Variants in NAA38 observed in about 807,000 individuals in gnomAD.
NAA38 encodes LSM domain containing 1.
In NAA38, 15 loss-of-function variants were observed where a neutral mutation model predicts 12.6. That is an observed-to-expected ratio of 1.19 (90% CI 0.79 to 1.83). NAA38 has a LOEUF of 1.83. NAA38 is among the 40% of genes most tolerant of loss of function. The pLI, the probability that NAA38 is intolerant of heterozygous loss-of-function variation, is 0.00. For synonymous variants in NAA38, 88 were observed against 69.9 expected, an observed-to-expected ratio of 1.26 and a Z score of -1.29; for missense variants, 183 against 171.7, an observed-to-expected ratio of 1.07 and a Z score of -0.37.
chr17:7,875,059 G>C (rs1967151902), intron 2 of NAA38, among the ~76,000 whole-genome samples: 2 of 151,806 alleles, frequency 1.3e-5, no homozygotes, highest in Non-Finnish European at 2.9e-5. Flanking sequence ...ATCCGGTTGT[G>C]GTGGTGTGTG....
At chr17:7,859,565 A>G (rs368770829), upstream of NAA38, 4 of 1,614,074 alleles carry the variant, frequency 2.5e-6, no homozygotes, top group Non-Finnish European at 3.4e-6. Flanking sequence ...TACACTTCAC[A>G]CACCTGCAAT....
At chr17:7,868,311 G>A (rs1967025741) in intron 2 of NAA38, among the ~76,000 whole-genome samples, 1 of 152,170 alleles carries the variant, frequency 6.6e-6, no homozygotes, top group South Asian at 2.1e-4. Flanking sequence ...CTGCACAGAG[G>A]TCACGTAAGA....
intron 1 of NAA38, chr17:7,884,889 G>T: frequency 7.6e-7 from 1 of 1,322,144 alleles, no homozygotes. Context: ...GAAGAAGAGG[G>T]CGACGAGGAG....
intron 2 of NAA38, among the ~76,000 whole-genome samples, chr17:7,869,098 A>G (rs1293212169): frequency 1.3e-5 from 2 of 152,252 alleles, no homozygotes; most frequent in East Asian, 3.8e-4. Flanking sequence ...AGAAGTGGCT[A>G]ACAGTAAACT....
In NAA38 at chr17:7,856,755, A is replaced by C. The variant is rs758509027; in HGVS notation, c.354T>G (p.Ser118Arg). The C allele has an allele frequency of 1.9e-6, 3 of 1,613,110 alleles. No homozygotes were observed. The highest frequency in any genetic ancestry group is 2.5e-6 in the Non-Finnish European group (3 of 1,179,816). Residue 118 changes from serine to arginine, a missense_variant, in exon 3 of 3, where the codon AGT becomes AGG. By Grantham distance (110) the Ser-to-Arg change is moderately radical. Transcript: ENST00000575771. ...GTCAGAGATACGGAGGCCCGGTCAG[A>C]CTCTCCCTCTGCACCTCAATGGAAA... is the stretch of plus-strand genomic sequence containing the variant. Reference protein sequence around the residue: ...HIVSIEVQRESLTGPPYL With the variant: ...HIVSIEVQRERLTGPPYL
At chr17:7,858,023 AT>A, upstream of NAA38, 1 of 1,533,132 alleles carries the variant, frequency 6.5e-7, no homozygotes, top group Non-Finnish European at 8.7e-7. Flanking sequence ...ATGTCAGCGG[AT>A]AAACGCTCTC....
chr17:7,858,766 C>CCAAGA, upstream of NAA38: 1 of 1,592,622 alleles, frequency 6.3e-7, no homozygotes, highest in African/African-American at 1.3e-5. Context: ...CGGCTGTCTG[C>CCAAGA]CAAGACCCGG....
chr17:7,864,137 G>A (rs2151388319), intron 3 of NAA38: 1 of 152,312 alleles, frequency 6.6e-6, no homozygotes, highest in East Asian at 1.9e-4. Context: ...ACAGCCACTT[G>A]ATCATGGGTC....
upstream of NAA38, chr17:7,859,619 A>T (rs2078868120): frequency 6.2e-7 from 1 of 1,612,908 alleles, no homozygotes. Flanking sequence ...GTAGGCAAGG[A>T]GATGTACACT....
At chr17:7,881,456 G>A (rs751346042) in intron 2 of NAA38, among the ~76,000 whole-genome samples, 1 of 151,944 alleles carries the variant, frequency 6.6e-6, no homozygotes, top group Non-Finnish European at 1.5e-5. Context: ...AAAGGCAAAC[G>A]TGAGAGAAGG....
chr17:7,884,932 C>G, intron 1 of NAA38: 3 of 1,391,160 alleles, frequency 2.2e-6, no homozygotes, highest in Non-Finnish European at 2.8e-6. Context: ...CCGACGAGGA[C>G]GATGAGGAGG....
chr17:7,873,004 A>G lies in NAA38; in HGVS notation c.-65-6446T>C, dbSNP rs139550504. Among the ~76,000 whole-genome samples, 1,282 of 152,310 alleles carry G rather than the reference A, an allele frequency of 8.4e-3. 24 individuals carry two copies. The highest frequency in any genetic ancestry group is 0.028 in the African/African-American group (1,180 of 41,568). ...GGAGGAGCACCTATTATAAGCTTGG[A>G]GAGTCAGGGGAGTTTAGTGCATGCC... On this transcript the variant is annotated intron_variant, in intron 2 of 4. Transcript: ENST00000576861.
intron 2 of NAA38, 26 bp downstream of exon 2, chr17:7,856,989 C>T (rs1398894348): frequency 1.9e-6 from 3 of 1,593,482 alleles, no homozygotes; most frequent in African/African-American, 2.7e-5. Flanking sequence ...CATTACCAGG[C>T]GGGTGTGCAT....
intron 3 of NAA38, chr17:7,864,463 ATTCT>A (rs931710931): frequency 4.6e-5 from 7 of 152,156 alleles, no homozygotes; most frequent in African/African-American, 1.2e-4. Context: ...TACCTGGCTA[ATTCT>A]TTATTTTTTT....
intron 2 of NAA38, among the ~76,000 whole-genome samples, chr17:7,883,054 TC>T (rs539447742): frequency 2.2e-4 from 33 of 152,300 alleles, no homozygotes; most frequent in Non-Finnish European, 3.8e-4. Context: ...CTTCCTTTGC[TC>T]CATTTGGCAA....
intron 2 of NAA38, among the ~76,000 whole-genome samples, chr17:7,880,239 G>A (rs1967247910): frequency 6.6e-6 from 1 of 151,930 alleles, no homozygotes; most frequent in African/African-American, 2.4e-5. Context: ...AGAAAAAGAG[G>A]CTAGAATAGA....
At chr17:7,880,470 A>G (rs559963302) in intron 2 of NAA38, among the ~76,000 whole-genome samples, 1 of 152,216 alleles carries the variant, frequency 6.6e-6, no homozygotes, top group African/African-American at 2.4e-5. Context: ...TGTCTCCTTC[A>G]AAGAGTTATA....
At chr17:7,885,178 C>T (rs1323746848) in exon 1 of NAA38, 3 of 978,108 alleles carry the variant, frequency 3.1e-6, no homozygotes, top group Admixed American at 6.3e-5. Context: ...GCGGCCGAGC[C>T]GAGGCGAATC....
rs1055664784 is a variant in NAA38 at position 7,857,400 on chromosome 17, T to C, written c.64A>G (p.Ser22Gly). ...GTGCTAACCCCAGCACTGGAGCTGC[T>C]CTGACGCCGACTGCAACAGCCATTC... ...EENGCCSRRQ[S>G]SSSAGDSDGE... The change falls in exon 1 of 3, where the codon AGC (serine) becomes GGC (glycine). Residue 22 changes from serine (S) to glycine (G), a missense_variant. Transcript: ENST00000575771. 9 of 1,604,668 alleles carry C rather than the reference T, an allele frequency of 5.6e-6. No homozygotes were observed. The highest frequency in any genetic ancestry group is 7.6e-6 in the Non-Finnish European group (9 of 1,176,948).
Sources: allele counts gnomAD v4.1 joint callset (sites outside exome capture counted in the v4.1 genomes callset), GRCh38; gene constraint gnomAD v4.1.1; transcripts MANE v1.5; gene names NCBI Gene and HGNC (gene_info 2026-07-23, HGNC 2026-07-21).